The following CNBD1 variants were observed in gnomAD, a reference collection of about 807,000 sequenced individuals.
CNBD1 encodes the protein cyclic nucleotide binding domain containing 1.
In CNBD1, 71 loss-of-function variants were observed where a neutral mutation model predicts 54.4. The observed-to-expected ratio is 1.30, with a 90% CI of 1.08 to 1.59. The LOEUF (loss-of-function observed/expected upper bound fraction) is 1.59. Among genes scored for constraint, CNBD1 ranks in the 40% most tolerant of loss-of-function variants. The pLI, the probability that CNBD1 is intolerant of heterozygous loss-of-function variation, is 0.00. For synonymous variants in CNBD1, 182 were observed against 170.7 expected (o/e 1.07, Z -0.51); for missense variants, 659 against 518.0 (o/e 1.27, Z -2.64).
chr8:87,331,798 T>C (rs953337885), intron 8 of CNBD1, among the ~76,000 whole-genome samples: 11 of 152,240 alleles, frequency 7.2e-5, no homozygotes, highest in Non-Finnish European at 1.5e-4. Context: ...TTGATATGCA[T>C]TTCTCTAATG....
chr8:87,183,536 A>G (rs1583204), intron 4 of CNBD1, among the ~76,000 whole-genome samples: 56,660 of 151,636 alleles, frequency 0.37, 12,168 homozygotes, highest in Non-Finnish European at 0.48. Flanking sequence ...CTGTTGTTCC[A>G]GCCATTTCAG....
intron 2 of CNBD1, among the ~76,000 whole-genome samples, chr8:87,420,991 G>A (rs1036262149): frequency 6.6e-6 from 1 of 151,862 alleles, no homozygotes; most frequent in African/African-American, 2.4e-5. Context: ...CACAGGTTGG[G>A]AAAGATAAAA....
intron 1 of CNBD1, among the ~76,000 whole-genome samples, chr8:86,882,489 G>A (rs1808620048): frequency 6.6e-6 from 1 of 152,020 alleles, no homozygotes; most frequent in Admixed American, 6.6e-5. Context: ...ACACCAGTCA[G>A]AATAGCTGTT....
At chr8:87,072,584 A>G (rs1237889766) in intron 4 of CNBD1, among the ~76,000 whole-genome samples, 2 of 126,140 alleles carry the variant, frequency 1.6e-5, no homozygotes, top group African/African-American at 5.2e-5. Flanking sequence ...TTGGCCAGAT[A>G]TGAACTTCTG....
At chr8:87,239,382 T>C (rs986692977) in intron 6 of CNBD1, among the ~76,000 whole-genome samples, 1 of 152,186 alleles carries the variant, frequency 6.6e-6, no homozygotes, top group Non-Finnish European at 1.5e-5. Context: ...TGCCTTTTTG[T>C]GTATTTACTT....
intron 4 of CNBD1, among the ~76,000 whole-genome samples, chr8:87,019,590 A>T: frequency 6.6e-6 from 1 of 152,176 alleles, no homozygotes; most frequent in East Asian, 1.9e-4. Context: ...GGAAAAGATT[A>T]AATTTGGCTG....
intron 10 of CNBD1, among the ~76,000 whole-genome samples, chr8:87,371,391 T>G (rs1236677259): frequency 6.6e-6 from 1 of 152,068 alleles, no homozygotes; most frequent in Non-Finnish European, 1.5e-5. Context: ...GTTTGTATCC[T>G]CTTTTATTTC....
chr8:87,390,058 A>C (rs1449900122), intron 2 of CNBD1, among the ~76,000 whole-genome samples: 1 of 151,122 alleles, frequency 6.6e-6, no homozygotes, highest in South Asian at 2.1e-4. Context: ...TAGAAAGCTG[A>C]AACTGGATCC....
At chr8:87,311,050 T>C (rs894617769) in intron 8 of CNBD1, among the ~76,000 whole-genome samples, 1 of 152,000 alleles carries the variant, frequency 6.6e-6, no homozygotes, top group Non-Finnish European at 1.5e-5. Flanking sequence ...GGAAAGAATT[T>C]ATGGCTAAAT....
At chr8:87,150,931 C>G (rs1812590715) in intron 4 of CNBD1, among the ~76,000 whole-genome samples, 1 of 152,120 alleles carries the variant, frequency 6.6e-6, no homozygotes, top group Non-Finnish European at 1.5e-5. Context: ...AAAGAATTTA[C>G]AGTTGTAAGT....
chr8:86,894,020 T>C (rs1007914097), intron 2 of CNBD1, among the ~76,000 whole-genome samples: 6 of 148,396 alleles, frequency 4.0e-5, no homozygotes, highest in Non-Finnish European at 8.9e-5. Context: ...TTTATTCATA[T>C]ATTTTAATAG....
chr8:86,909,309 T>G (rs537230253), intron 3 of CNBD1, among the ~76,000 whole-genome samples: 1 of 152,322 alleles, frequency 6.6e-6, no homozygotes, highest in South Asian at 2.1e-4. Flanking sequence ...TTCCACATAT[T>G]CTATGCTTAT....
At chr8:87,268,716 A>C (rs992953336) in intron 6 of CNBD1, among the ~76,000 whole-genome samples, 4 of 152,114 alleles carry the variant, frequency 2.6e-5, no homozygotes, top group African/African-American at 9.7e-5. Flanking sequence ...TTCACTGGTC[A>C]CATGTATGTC....
At chr8:87,293,656 C>A (rs2130876603) in intron 8 of CNBD1, among the ~76,000 whole-genome samples, 1 of 152,266 alleles carries the variant, frequency 6.6e-6, no homozygotes, top group African/African-American at 2.4e-5. Context: ...TAGAAAAATA[C>A]AAAAAGTATG....
chr8:87,375,755 C>T (rs1416163881), intron 10 of CNBD1, among the ~76,000 whole-genome samples: 1 of 151,774 alleles, frequency 6.6e-6, no homozygotes, highest in African/African-American at 2.4e-5. Context: ...TTATAGTTAC[C>T]TTATATGAGA....
chr8:87,030,358 A>G (rs1809754059), intron 4 of CNBD1, among the ~76,000 whole-genome samples: 1 of 152,226 alleles, frequency 6.6e-6, no homozygotes, highest in Admixed American at 6.5e-5. Context: ...TTAAAACAGA[A>G]GATACTCTTG....
chr8:87,192,000 A>G (rs988048575), intron 4 of CNBD1, among the ~76,000 whole-genome samples: 2 of 152,194 alleles, frequency 1.3e-5, no homozygotes, highest in Non-Finnish European at 2.9e-5. Flanking sequence ...TTGTGAATCT[A>G]AAGGAAATAT....
Position 87,182,463 on chromosome 8 carries a change from T to C in CNBD1, c.432-23530T>C, listed in dbSNP as rs1027896918. ...ATTCTGTTTTAGTTTCTTTCAGATA[T>C]TACCAAACCATTTTACACAATAGCT... On this transcript the variant is annotated intron_variant, in intron 4 of 10. Coordinates refer to ENST00000518476, the MANE Select transcript of CNBD1 (RefSeq NM_173538.3). The surrounding 1 kb of genome is among the most constrained non-coding windows in gnomAD (Gnocchi z 4.1). 6.6e-6 allele frequency among the ~76,000 whole-genome samples: 1 copy of C among 152,172 alleles called. No homozygotes were observed. Among genetic ancestry groups the C allele is most frequent in the Non-Finnish European group, 1.5e-5 (1 of 68,022 alleles).
chr8:86,912,891 T>A (rs1586130091), intron 3 of CNBD1, among the ~76,000 whole-genome samples: 1 of 152,218 alleles, frequency 6.6e-6, no homozygotes, highest in East Asian at 1.9e-4. Context: ...TGTATAGGCC[T>A]AGGCTAATGT....
Sources: gnomAD v4.1 joint callset for allele counts (sites outside exome capture counted in the v4.1 genomes callset) on GRCh38, gnomAD v4.1.1 for gene constraint, Gnocchi (gnomAD v3.1) non-coding constraint, MANE v1.5 for transcripts, NCBI Gene and HGNC (gene_info 2026-07-23, HGNC 2026-07-21) for gene names.